Variants in CDH20 observed in about 807,000 individuals in gnomAD.
CDH20 encodes the protein cadherin-20.
Under a neutral mutation model 74.2 loss-of-function variants are expected in CDH20, and 29 were observed. That is an observed-to-expected ratio of 0.39 (90% CI 0.29 to 0.53). The LOEUF is 0.53. Among genes scored for constraint, CDH20 ranks in the 20% least tolerant of loss-of-function variants. CDH20 has a pLI of 0.69. For missense variants in CDH20, 988 were observed against 1,048.3 expected, an observed-to-expected ratio of 0.94 and a Z score of 0.79; for synonymous variants, 469 against 405.4, an observed-to-expected ratio of 1.16 and a Z score of -1.88.
chr18:61,455,618 C>A (rs111477296), intron 1 of CDH20, among the ~76,000 whole-genome samples: 4,367 of 151,552 alleles, frequency 0.029, 70 homozygotes, highest in African/African-American at 0.047. Flanking sequence ...AATTTTGAGT[C>A]ATTTATTCTA....
At chr18:61,513,016 G>T (rs537367776) in intron 6 of CDH20, among the ~76,000 whole-genome samples, 2 of 152,004 alleles carry the variant, frequency 1.3e-5, no homozygotes, top group Non-Finnish European at 2.9e-5. Flanking sequence ...ATGTCTATTA[G>T]GTCCGCTTGG....
At chr18:61,340,811 C>T (rs111444389) in intron 1 of CDH20, among the ~76,000 whole-genome samples, 4 of 152,206 alleles carry the variant, frequency 2.6e-5, no homozygotes, top group African/African-American at 4.8e-5. Flanking sequence ...GACGTAATTT[C>T]CTTTAGCAAT....
chr18:61,338,750 G>T (rs1909839540), intron 1 of CDH20, among the ~76,000 whole-genome samples: 1 of 152,094 alleles, frequency 6.6e-6, no homozygotes, highest in Admixed American at 6.5e-5. Context: ...TGAAATGGGG[G>T]TATCCTCGCT....
intron 1 of CDH20, among the ~76,000 whole-genome samples, chr18:61,438,922 A>G (rs1034139345): frequency 6.6e-6 from 1 of 152,204 alleles, no homozygotes; most frequent in Non-Finnish European, 1.5e-5. Context: ...CTACCCAGCC[A>G]TAAATATGAA....
At position 61,554,804 on chromosome 18, in the gene CDH20, G is replaced by A. The variant is rs1021394049; in HGVS notation, c.*109G>A. On this transcript the variant is annotated 3_prime_UTR_variant, in exon 12 of 12. Coordinates refer to ENST00000262717, the MANE Select transcript of CDH20 (RefSeq NM_031891.4). ...CAATACTGTGCTGGAGAGTGAGAAT[G>A]GGGGTGAGCAGGCGAACAGAGCTCT... The A allele has an allele frequency of 2.8e-6, 4 of 1,435,282 alleles. No homozygotes were observed. The African/African-American group carries it at 4.3e-5, about 15-fold the overall frequency. The allele number at this position is 1,435,282 out of a possible 1,614,324, so 88.9% of individuals were successfully genotyped here.
At chr18:61,386,600 G>T (rs1213238700) in intron 1 of CDH20, among the ~76,000 whole-genome samples, 1 of 152,066 alleles carries the variant, frequency 6.6e-6, no homozygotes, top group Non-Finnish European at 1.5e-5. Flanking sequence ...TTAAAATTTG[G>T]ATGATAATTT....
At chr18:61,455,657 T>A (rs1279182529) in intron 1 of CDH20, among the ~76,000 whole-genome samples, 1 of 152,174 alleles carries the variant, frequency 6.6e-6, no homozygotes, top group Non-Finnish European at 1.5e-5. Context: ...TATGGCTATT[T>A]ATAAAACCAC....
At chr18:61,444,413 A>T (rs1037065429) in intron 1 of CDH20, among the ~76,000 whole-genome samples, 1 of 152,192 alleles carries the variant, frequency 6.6e-6, no homozygotes, top group Non-Finnish European at 1.5e-5. Flanking sequence ...TGTCCAGACC[A>T]AAAGGGATGT....
At chr18:61,515,351 G>A (rs1249276407) in intron 6 of CDH20, among the ~76,000 whole-genome samples, 1 of 152,102 alleles carries the variant, frequency 6.6e-6, no homozygotes, top group Admixed American at 6.5e-5. Context: ...GCCTCGCCCT[G>A]CTTCGGCTCG....
intron 6 of CDH20, among the ~76,000 whole-genome samples, chr18:61,508,792 A>G (rs1157555883): frequency 6.6e-6 from 1 of 152,152 alleles, no homozygotes; most frequent in Non-Finnish European, 1.5e-5. Flanking sequence ...GCACACTGCC[A>G]TGCATGGCTA....
chr18:61,343,460 C>T (rs1394377450), intron 1 of CDH20, among the ~76,000 whole-genome samples: 2 of 152,170 alleles, frequency 1.3e-5, no homozygotes, highest in East Asian at 3.9e-4. Context: ...TGCCTCTACC[C>T]AAGACCGCTC....
At chr18:61,463,275 G>A (rs954465014) in intron 1 of CDH20, among the ~76,000 whole-genome samples, 5 of 151,896 alleles carry the variant, frequency 3.3e-5, no homozygotes, top group East Asian at 1.9e-4. Context: ...ACCCCATCCC[G>A]GTATCATCCT....
chr18:61,477,492 A>C (rs978579473), intron 1 of CDH20, among the ~76,000 whole-genome samples: 3 of 152,224 alleles, frequency 2.0e-5, no homozygotes, highest in African/African-American at 7.2e-5. Context: ...GTGTGGCAAC[A>C]ATGTTAGAAA....
At chr18:61,402,271 T>A (rs562428619) in intron 1 of CDH20, among the ~76,000 whole-genome samples, 1 of 152,170 alleles carries the variant, frequency 6.6e-6, no homozygotes, top group African/African-American at 2.4e-5. Context: ...AGTAGGATTC[T>A]CATGCCAGAG....
intron 7 of CDH20, among the ~76,000 whole-genome samples, chr18:61,530,180 T>G (rs1467827246): frequency 1.3e-5 from 2 of 152,206 alleles, no homozygotes; most frequent in African/African-American, 2.4e-5. Flanking sequence ...TTGCTAGGTA[T>G]GAGGTCCCTG....
At chr18:61,405,727 T>C (rs977263759) in intron 1 of CDH20, among the ~76,000 whole-genome samples, 1 of 152,208 alleles carries the variant, frequency 6.6e-6, no homozygotes, top group African/African-American at 2.4e-5. Flanking sequence ...TGGGAACTTG[T>C]TAAAATGCAA....
At chr18:61,431,501 TG>T (rs2144296780) in intron 1 of CDH20, among the ~76,000 whole-genome samples, 1 of 152,314 alleles carries the variant, frequency 6.6e-6, no homozygotes, top group East Asian at 1.9e-4. Context: ...ATTTGTTCAT[TG>T]GTTCTAATGT....
At chr18:61,334,122 G>C (rs1909666710) in intron 1 of CDH20, among the ~76,000 whole-genome samples, 1 of 152,142 alleles carries the variant, frequency 6.6e-6, no homozygotes, top group South Asian at 2.1e-4. Flanking sequence ...CGCTGGGAGC[G>C]GGGACTGCGC....
intron 8 of CDH20, 126 bp from the exon 9 acceptor site, chr18:61,538,898 C>T: frequency 2.0e-6 from 2 of 1,013,882 alleles, no homozygotes; most frequent in Non-Finnish European, 1.5e-6. Context: ...TCCCAAAGTG[C>T]TGGGATTACA....
Sources: allele counts gnomAD v4.1 joint callset (sites outside exome capture counted in the v4.1 genomes callset), GRCh38; gene constraint gnomAD v4.1.1; transcripts MANE v1.5; gene names NCBI Gene and HGNC (gene_info 2026-07-23, HGNC 2026-07-21).